The following ARHGAP39 variants were observed in gnomAD, a reference collection of about 807,000 sequenced individuals.
ARHGAP39 encodes rho GTPase-activating protein 39.
ARHGAP39 carries 44 observed loss-of-function variants against 106.9 expected under a neutral mutation model. The observed-to-expected ratio is 0.41, with a 90% CI of 0.32 to 0.53. The LOEUF is 0.53. Ranked by LOEUF, ARHGAP39 falls within the 20% of genes least tolerant of loss-of-function variation. ARHGAP39 has a pLI of 0.21. For missense variants in ARHGAP39, 1,496 were observed against 1,577.3 expected, an observed-to-expected ratio of 0.95 and a Z score of 0.87; for synonymous variants, 768 against 693.2, an observed-to-expected ratio of 1.11 and a Z score of -1.69.
rs1258534385 is a variant in ARHGAP39 at position 144,530,179 on chromosome 8, G to A, written c.*243C>T. ...ACCCGCGGCCAGCGGAGGGCGAGGCGGTGCCCGCGGGAACTGGCCGTGAGG... is the reference window on the plus strand; with the variant it reads ...ACCCGCGGCCAGCGGAGGGCGAGGCAGTGCCCGCGGGAACTGGCCGTGAGG... On this transcript the variant is annotated 3_prime_UTR_variant, in exon 12 of 12. Coordinates refer to ENST00000377307, the MANE Select transcript of ARHGAP39 (RefSeq NM_025251.3). 1.3e-5 allele frequency: 7 copies of A among 533,774 alleles called. No homozygotes were observed. In the East Asian group the frequency reaches 1.9e-4, roughly 15 times the overall value. The allele number at this position is 533,774 out of a possible 1,614,324, so 33.1% of individuals were successfully genotyped here.
intron 6 of ARHGAP39, among the ~76,000 whole-genome samples, chr8:144,541,604 G>C (rs1817194905): frequency 6.6e-6 from 1 of 152,110 alleles, no homozygotes. Flanking sequence ...GCCTCACGGA[G>C]GGAGAATCCT....
chr8:144,681,539 G>A (rs761089748), intron 1 of ARHGAP39, among the ~76,000 whole-genome samples: 10 of 152,184 alleles, frequency 6.6e-5, no homozygotes, highest in African/African-American at 9.7e-5. Context: ...ATATAAGAGC[G>A]TATTTCATGG....
At chr8:144,654,913 G>A (rs567134034) in intron 1 of ARHGAP39, among the ~76,000 whole-genome samples, 96 of 152,132 alleles carry the variant, frequency 6.3e-4, no homozygotes, top group African/African-American at 2.2e-3. Flanking sequence ...CCTGCTCCAC[G>A]GAGCAGGCAG....
chr8:144,605,890 C>T (rs989122380), intron 1 of ARHGAP39, 195 bp from the exon 2 acceptor site: 3 of 489,684 alleles, frequency 6.1e-6, no homozygotes, highest in East Asian at 7.2e-5. Flanking sequence ...GAAGCCTGGC[C>T]AGCCCCACAC....
In ARHGAP39 at chr8:144,545,829, G is replaced by C; in HGVS notation, c.1960-19C>G. The C allele has an allele frequency of 2.0e-6, 3 of 1,496,652 alleles. No homozygotes were observed. Among genetic ancestry groups the C allele is most frequent in the Non-Finnish European group, 2.7e-6 (3 of 1,124,182 alleles). The allele number at this position is 1,496,652 out of a possible 1,614,324, so 92.7% of individuals were successfully genotyped here. On this transcript the variant is annotated intron_variant, in intron 5 of 11. Transcript: ENST00000377307. ...CCTCAGACTGAGAAGGACAAATGCGGCTGGGCTGTTGGGGGTGGGGGAGGG... is the reference window on the plus strand; with the variant it reads ...CCTCAGACTGAGAAGGACAAATGCGCCTGGGCTGTTGGGGGTGGGGGAGGG...
At chr8:144,661,422 G>A (rs1308500807) in intron 1 of ARHGAP39, among the ~76,000 whole-genome samples, 3 of 152,180 alleles carry the variant, frequency 2.0e-5, no homozygotes, top group African/African-American at 7.2e-5. Flanking sequence ...TCCTGTGATA[G>A]TCTCAACTCT....
chr8:144,697,552 T>C, the ARHGAP39 span, among the ~76,000 whole-genome samples: 1 of 152,050 alleles, frequency 6.6e-6, no homozygotes, highest in Non-Finnish European at 1.5e-5. Context: ...GGAGTTTCAC[T>C]CTTGTTGCCC....
upstream of ARHGAP39, among the ~76,000 whole-genome samples, chr8:144,689,479 C>T (rs959091793): frequency 7.3e-6 from 1 of 137,042 alleles, no homozygotes; most frequent in Non-Finnish European, 1.5e-5. Context: ...CTCTGCCGCC[C>T]AGGCTGGAGT....
At chr8:144,577,015 C>T (rs750121067) in intron 3 of ARHGAP39, among the ~76,000 whole-genome samples, 3 of 152,184 alleles carry the variant, frequency 2.0e-5, no homozygotes, top group African/African-American at 4.8e-5. Context: ...CACCTTTCCA[C>T]GGAGCTCCAC....
At chr8:144,540,592 G>A (rs1377615882) in intron 6 of ARHGAP39, among the ~76,000 whole-genome samples, 1 of 152,134 alleles carries the variant, frequency 6.6e-6, no homozygotes, top group Non-Finnish European at 1.5e-5. Flanking sequence ...CTTGAGCCTA[G>A]GAGTTCGAGA....
intron 2 of ARHGAP39, among the ~76,000 whole-genome samples, chr8:144,597,093 C>T (rs1470596203): frequency 6.6e-6 from 1 of 152,194 alleles, no homozygotes; most frequent in Non-Finnish European, 1.5e-5. Context: ...TAATCTGTGC[C>T]CAAGGAGACA....
chr8:144,615,399 A>T (rs1820607362), intron 1 of ARHGAP39, among the ~76,000 whole-genome samples: 1 of 151,984 alleles, frequency 6.6e-6, no homozygotes, highest in Non-Finnish European at 1.5e-5. Context: ...ATCTTGCCAG[A>T]TGTCTGCCTA....
the ARHGAP39 span, among the ~76,000 whole-genome samples, chr8:144,691,294 T>C: frequency 0.12 from 17,662 of 152,048 alleles, 2,630 homozygotes; most frequent in East Asian, 0.37. Context: ...GCCTGGTGGA[T>C]CATCCATGAT....
At position 144,604,046 on chromosome 8, in the gene ARHGAP39, C is replaced by A. The variant is rs1294474976; in HGVS notation, c.80+1489G>T. 6.6e-6 allele frequency among the ~76,000 whole-genome samples: 1 copy of A among 152,244 alleles called. No homozygotes were observed. Among genetic ancestry groups the A allele is most frequent in the Non-Finnish European group, 1.5e-5 (1 of 68,042 alleles). ...AATGAAGAACGAACAAACGAATGAA[C>A]AAGGAGACAGCAGGACTCCTGCTCA... On this transcript the variant is annotated intron_variant, in intron 2 of 11. Coordinates refer to ENST00000377307, the MANE Select transcript of ARHGAP39 (RefSeq NM_025251.3). The surrounding 1 kb of genome is among the most constrained non-coding windows in gnomAD (Gnocchi z 4.1).
chr8:144,656,375 T>C (rs977267070), intron 1 of ARHGAP39, among the ~76,000 whole-genome samples: 1 of 152,120 alleles, frequency 6.6e-6, no homozygotes, highest in Non-Finnish European at 1.5e-5. Context: ...TTTTAAAATG[T>C]ATGTGATTAA....
intron 2 of ARHGAP39, among the ~76,000 whole-genome samples, chr8:144,602,810 G>A (rs1586604102): frequency 7.0e-6 from 1 of 143,566 alleles, no homozygotes; most frequent in African/African-American, 2.6e-5. Flanking sequence ...GTGCATGGAG[G>A]CGTGTGTGCT....
chr8:144,581,503 G>C (rs1470972413), intron 2 of ARHGAP39, among the ~76,000 whole-genome samples: 7 of 152,242 alleles, frequency 4.6e-5, no homozygotes, highest in Non-Finnish European at 1.0e-4. Context: ...CCCTTTGGGG[G>C]GTCCTGGGCC....
chr8:144,608,329 C>A (rs1169775570), intron 1 of ARHGAP39, among the ~76,000 whole-genome samples: 5 of 152,098 alleles, frequency 3.3e-5, no homozygotes, highest in Admixed American at 2.6e-4. Flanking sequence ...TCCACCACAG[C>A]CTGAGAGCCA....
chr8:144,613,549 C>T (rs1052277182), intron 1 of ARHGAP39, among the ~76,000 whole-genome samples: 2 of 151,630 alleles, frequency 1.3e-5, no homozygotes, highest in Admixed American at 1.3e-4. Flanking sequence ...TTCGCACTTG[C>T]ATTGTTTCTC....
Sources: gnomAD v4.1 joint callset for allele counts (sites outside exome capture counted in the v4.1 genomes callset) on GRCh38, gnomAD v4.1.1 for gene constraint, Gnocchi (gnomAD v3.1) non-coding constraint, MANE v1.5 for transcripts, NCBI Gene and HGNC (gene_info 2026-07-23, HGNC 2026-07-21) for gene names.